Variants in AGBL4 observed in about 807,000 individuals in gnomAD.
The protein encoded by AGBL4 is AGBL carboxypeptidase 4.
In AGBL4, 58 loss-of-function variants were observed where a neutral mutation model predicts 66.4. That is an observed-to-expected ratio of 0.87 (90% CI 0.71 to 1.09). The LOEUF is 1.09. Among genes scored for constraint, AGBL4 ranks in the 50% least tolerant of loss-of-function variants. AGBL4 has a pLI of 0.00. For synonymous variants in AGBL4, 234 were observed against 222.9 expected, an observed-to-expected ratio of 1.05 and a Z score of -0.44; for missense variants, 579 against 631.0, an observed-to-expected ratio of 0.92 and a Z score of 0.88.
intron 2 of AGBL4, among the ~76,000 whole-genome samples, chr1:49,735,288 GGTGTGTGGGTGTGTGT>G (rs1649774963): frequency 8.7e-6 from 1 of 115,046 alleles, no homozygotes; most frequent in African/African-American, 5.4e-5. Flanking sequence ...AAGAGGTAGA[GGTGTGTGGGTGTGTGT>G]GTGTGTGTGT....
intron 11 of AGBL4, chr1:48,585,340 A>C (rs964980385): frequency 6.6e-6 from 1 of 152,222 alleles, no homozygotes; most frequent in Non-Finnish European, 1.5e-5. Context: ...GCACAAGCTC[A>C]AACTCTTATT....
intron 1 of AGBL4, among the ~76,000 whole-genome samples, chr1:49,905,918 CT>C (rs1650226989): frequency 6.6e-6 from 1 of 151,940 alleles, no homozygotes; most frequent in Admixed American, 6.6e-5. Flanking sequence ...AGACTTACAG[CT>C]GTATTAAATC....
At chr1:50,018,117 T>C (rs928386563) in intron 1 of AGBL4, among the ~76,000 whole-genome samples, 1 of 152,174 alleles carries the variant, frequency 6.6e-6, no homozygotes, top group East Asian at 1.9e-4. Context: ...GAATTGACAA[T>C]CTTATATAAA....
At chr1:49,371,862 T>C (rs536575066) in intron 3 of AGBL4, among the ~76,000 whole-genome samples, 14 of 127,068 alleles carry the variant, frequency 1.1e-4, no homozygotes, top group Non-Finnish European at 2.3e-4. Flanking sequence ...TGTGTGTGTG[T>C]GTGTGTTTAA....
chr1:49,703,148 A>G (rs1647132439), intron 2 of AGBL4, among the ~76,000 whole-genome samples: 1 of 152,016 alleles, frequency 6.6e-6, no homozygotes, highest in Non-Finnish European at 1.5e-5. Flanking sequence ...AATTATTTCT[A>G]TTTGCAGATG....
At chr1:48,974,535 C>T (rs1328534621) in intron 5 of AGBL4, among the ~76,000 whole-genome samples, 3 of 152,098 alleles carry the variant, frequency 2.0e-5, no homozygotes, top group Non-Finnish European at 4.4e-5. Flanking sequence ...AAATTTCATC[C>T]ACAAAGTCTA....
chr1:49,541,328 T>C (rs1002274322), intron 3 of AGBL4, among the ~76,000 whole-genome samples: 1 of 151,968 alleles, frequency 6.6e-6, no homozygotes, highest in Non-Finnish European at 1.5e-5. Flanking sequence ...CAGAGAGGTG[T>C]GGAGGGAGAG....
At chr1:48,911,405 C>T (rs1269169290) in intron 5 of AGBL4, among the ~76,000 whole-genome samples, 2 of 151,932 alleles carry the variant, frequency 1.3e-5, no homozygotes, top group African/African-American at 4.8e-5. Context: ...ATCACGAGGT[C>T]AGGAGATCGA....
chr1:48,988,837 C>A (rs1390074776), intron 5 of AGBL4, among the ~76,000 whole-genome samples: 6 of 152,116 alleles, frequency 3.9e-5, no homozygotes, highest in African/African-American at 1.4e-4. Context: ...CTGCTAGCTT[C>A]AATGACCTGA....
chr1:48,654,257 C>A (rs1358538997), intron 7 of AGBL4, among the ~76,000 whole-genome samples: 4 of 152,158 alleles, frequency 2.6e-5, no homozygotes, highest in Admixed American at 2.6e-4. Context: ...TAACAGCCAC[C>A]ACCTATGAAA....
At chr1:49,015,197 G>A (rs1025236160) in intron 5 of AGBL4, among the ~76,000 whole-genome samples, 1 of 152,008 alleles carries the variant, frequency 6.6e-6, no homozygotes, top group African/African-American at 2.4e-5. Context: ...TTTTTTTGGG[G>A]GGAGTTGATT....
chr1:49,036,442 A>G (rs980268480), intron 5 of AGBL4, among the ~76,000 whole-genome samples: 16 of 152,138 alleles, frequency 1.1e-4, no homozygotes, highest in Non-Finnish European at 1.8e-4. Flanking sequence ...AAGAAGGTAA[A>G]AAGTTTGACA....
intron 5 of AGBL4, among the ~76,000 whole-genome samples, chr1:48,918,969 G>A (rs1653854264): frequency 6.6e-6 from 1 of 152,174 alleles, no homozygotes; most frequent in African/African-American, 2.4e-5. Context: ...AGGCAGACCT[G>A]CTGTTTGCTG....
At chr1:49,199,728 T>G (rs919652267) in intron 4 of AGBL4, among the ~76,000 whole-genome samples, 2 of 152,182 alleles carry the variant, frequency 1.3e-5, no homozygotes, top group African/African-American at 4.8e-5. Context: ...CCAGACTAAT[T>G]AGTTCAGTTC....
intron 4 of AGBL4, among the ~76,000 whole-genome samples, chr1:49,076,308 T>C (rs980636229): frequency 3.3e-5 from 5 of 152,216 alleles, no homozygotes; most frequent in Non-Finnish European, 2.9e-5. Flanking sequence ...TCCTCCTATA[T>C]ATTTTAAATC....
chr1:49,460,573 C>A (rs1646490033), intron 3 of AGBL4, among the ~76,000 whole-genome samples: 2 of 151,640 alleles, frequency 1.3e-5, no homozygotes, highest in Non-Finnish European at 2.9e-5. Context: ...TTAATTGAAG[C>A]ATGTAGGCCA....
At chr1:49,171,128 T>A (rs1384033445) in intron 4 of AGBL4, among the ~76,000 whole-genome samples, 3 of 151,950 alleles carry the variant, frequency 2.0e-5, no homozygotes, top group Non-Finnish European at 4.4e-5. Context: ...CTCAGGGAGG[T>A]GTGTTTCATT....
chr1:49,391,412 T>C (rs928646231), intron 3 of AGBL4, among the ~76,000 whole-genome samples: 1 of 152,100 alleles, frequency 6.6e-6, no homozygotes, highest in African/African-American at 2.4e-5. Context: ...AATGTTAGCA[T>C]AGTGATCCAA....
At chr1:49,363,516 T>G (rs1027686439) in intron 3 of AGBL4, among the ~76,000 whole-genome samples, 1 of 152,242 alleles carries the variant, frequency 6.6e-6, no homozygotes, top group African/African-American at 2.4e-5. Flanking sequence ...CTGGGGTTAA[T>G]GAACATGTCA....
Sources: allele counts gnomAD v4.1 joint callset (sites outside exome capture counted in the v4.1 genomes callset), GRCh38; gene constraint gnomAD v4.1.1; transcripts MANE v1.5; gene names NCBI Gene and HGNC (gene_info 2026-07-23, HGNC 2026-07-21).